The following PRRC2C variants were observed in gnomAD, a reference collection of about 807,000 sequenced individuals.
The protein encoded by PRRC2C is protein PRRC2C.
In PRRC2C, 72 loss-of-function variants were observed where a neutral mutation model predicts 317.2. The observed-to-expected ratio is 0.23, with a 90% CI of 0.19 to 0.28. The LOEUF (loss-of-function observed/expected upper bound fraction) is 0.28. Among genes scored for constraint, PRRC2C ranks in the 10% least tolerant of loss-of-function variants. PRRC2C has a pLI of 1.00. For synonymous variants in PRRC2C, 1,296 were observed against 1,205.9 expected (o/e 1.07, Z -1.55); for missense variants, 3,074 against 3,459.7 (o/e 0.89, Z 2.80).
intron 30 of PRRC2C, among the ~76,000 whole-genome samples, chr1:171,586,352 A>T (rs1260695281): frequency 6.6e-6 from 1 of 150,908 alleles, no homozygotes; most frequent in East Asian, 2.0e-4. Flanking sequence ...TGGCCTCCCA[A>T]AGTGCTGGGA....
chr1:171,531,497 G>GTACT (rs1365871944), intron 11 of PRRC2C, among the ~76,000 whole-genome samples: 1 of 152,168 alleles, frequency 6.6e-6, no homozygotes, highest in Non-Finnish European at 1.5e-5. Context: ...AGATAGTCAA[G>GTACT]TGTTTTCGTT....
At chr1:171,495,094 T>C (rs1443367630) in intron 1 of PRRC2C, among the ~76,000 whole-genome samples, 1 of 152,250 alleles carries the variant, frequency 6.6e-6, no homozygotes, top group Non-Finnish European at 1.5e-5. Flanking sequence ...AATGTTTGTC[T>C]TCATGAAGCC....
intron 34 of PRRC2C, chr1:171,591,172 A>T (rs1651332192): frequency 2.0e-6 from 2 of 991,158 alleles, no homozygotes; most frequent in African/African-American, 3.5e-5. Context: ...TGGGAAGAGG[A>T]CTCAGCCACA....
At chr1:171,504,263 A>G (rs1157646168) in intron 1 of PRRC2C, among the ~76,000 whole-genome samples, 1 of 152,180 alleles carries the variant, frequency 6.6e-6, no homozygotes, top group African/African-American at 2.4e-5. Context: ...TTAGTTCTCA[A>G]CATTATCTTT....
chr1:171,487,898 C>G (rs1666422426), intron 1 of PRRC2C, among the ~76,000 whole-genome samples: 1 of 152,128 alleles, frequency 6.6e-6, no homozygotes, highest in African/African-American at 2.4e-5. Context: ...CCCCTTATCC[C>G]TGATATGTCT....
At chr1:171,517,135 C>T (rs992931704) in intron 5 of PRRC2C, among the ~76,000 whole-genome samples, 4 of 152,150 alleles carry the variant, frequency 2.6e-5, no homozygotes, top group Admixed American at 6.5e-5. Flanking sequence ...TAATTTCACG[C>T]AATCTGTTCA....
At position 171,557,849 on chromosome 1, in the gene PRRC2C, G is replaced by C. The variant is rs1243142290; in HGVS notation, c.5737G>C (p.Ala1913Pro). 16 of 1,539,356 alleles carry C rather than the reference G, an allele frequency of 1.0e-5. No homozygotes were observed. The highest frequency in any genetic ancestry group is 1.4e-5 in the Non-Finnish European group (16 of 1,140,722). ...SVPLAPASAS[A>P]PAPAPTPVSA... ...CCCACTTGCCCCTGCCTCAGCTTCA[G>C]CCCCAGCCCCAGCCCCTACCCCAGT... Residue 1913 changes from alanine (A) to proline (P), a missense_variant, in exon 19 of 35, where the codon GCC becomes CCC. Ala to Pro is a conservative substitution (Grantham distance 27, BLOSUM62 -1). Transcript: ENST00000647382.
At position 171,579,858 on chromosome 1, in the gene PRRC2C, A is replaced by G. The variant is rs778683219; in HGVS notation, c.7303A>G (p.Ile2435Val). The change falls in exon 28 of 35, where the codon ATT (isoleucine) becomes GTT (valine). Residue 2435 changes from isoleucine to valine, a missense_variant. Around this residue, in one of 11 missense-constraint regions of PRRC2C, gnomAD observed 490 missense variants for 663.1 expected, o/e 0.74. Transcript: ENST00000647382. ...TTCAGTTCAGCAGATTCCAATCCCT[A>G]TTTATGCACCACTGCAAGGGCAGCA... Reference protein sequence around the residue: ...PTSVQQIPIPIYAPLQGQHQA... With the variant: ...PTSVQQIPIPVYAPLQGQHQA... The G allele has an allele frequency of 6.3e-7, 1 of 1,585,916 alleles. No homozygotes were observed.
chr1:171,515,925 C>T (rs1672265376), intron 5 of PRRC2C, 66 bp downstream of exon 5: 2 of 1,468,008 alleles, frequency 1.4e-6, no homozygotes, highest in African/African-American at 1.4e-5. Context: ...AATACAACCT[C>T]CTGCTTGCTG....
intron 1 of PRRC2C, among the ~76,000 whole-genome samples, chr1:171,503,683 T>C (rs1669611301): frequency 6.6e-6 from 1 of 152,202 alleles, no homozygotes; most frequent in Non-Finnish European, 1.5e-5. Context: ...TAAATTTGCA[T>C]TTCCCAAATA....
At position 171,485,710 on chromosome 1, in the gene PRRC2C, C is replaced by A. The variant is rs916521259; in HGVS notation, c.-83C>A. 2.6e-5 allele frequency: 4 copies of A among 152,364 alleles called. No individual in the cohort carries two copies. The highest frequency in any genetic ancestry group is 9.6e-5 in the African/African-American group (4 of 41,466). The allele number at this position is 152,364 out of a possible 1,614,324, so 9.4% of individuals were successfully genotyped here. On this transcript the variant is annotated 5_prime_UTR_variant, in exon 1 of 35. Transcript: ENST00000647382. ...GAGATCGGCGGAGACCCTCGAAGTG[C>A]GCAAACTTGACACTCACCCTGACCG...
chr1:171,491,824 T>C (rs1667214499), intron 1 of PRRC2C, among the ~76,000 whole-genome samples: 1 of 152,196 alleles, frequency 6.6e-6, no homozygotes, highest in Non-Finnish European at 1.5e-5. Flanking sequence ...CAATTTAATC[T>C]TACCCAAAAA....
chr1:171,528,867 A>G (rs543796962), intron 11 of PRRC2C, among the ~76,000 whole-genome samples: 76 of 152,144 alleles, frequency 5.0e-4, no homozygotes, highest in African/African-American at 1.7e-3. Flanking sequence ...GCTGGAGTGC[A>G]GTGGTGTAAT....
At chr1:171,542,251 T>C in intron 16 of PRRC2C, 22 bp downstream of exon 16, 1 of 1,473,062 alleles carries the variant, frequency 6.8e-7, no homozygotes, top group Non-Finnish European at 9.0e-7. Context: ...GTTTTAAATA[T>C]AGTTGCTTTT....
intron 18 of PRRC2C, among the ~76,000 whole-genome samples, chr1:171,551,550 G>C (rs557667437): frequency 1.3e-5 from 2 of 152,296 alleles, no homozygotes; most frequent in East Asian, 3.9e-4. Flanking sequence ...CCTATATCCT[G>C]AATGGTATGG....
At chr1:171,534,358 A>T (rs560790994) in intron 12 of PRRC2C, among the ~76,000 whole-genome samples, 1 of 152,328 alleles carries the variant, frequency 6.6e-6, no homozygotes, top group South Asian at 2.1e-4. Context: ...AAACATTATC[A>T]TAGTTTAATA....
intron 23 of PRRC2C, among the ~76,000 whole-genome samples, chr1:171,570,669 G>C (rs1459694036): frequency 6.6e-6 from 1 of 152,138 alleles, no homozygotes; most frequent in Non-Finnish European, 1.5e-5. Context: ...AACAATATTT[G>C]CCATAATTAT....
In PRRC2C at chr1:171,566,255, G is replaced by A; in HGVS notation, c.6140G>A (p.Ser2047Asn). The A allele has an allele frequency of 1.9e-6, 3 of 1,611,040 alleles. No homozygotes were observed. Among genetic ancestry groups the A allele is most frequent in the Non-Finnish European group, 2.5e-6 (3 of 1,178,658 alleles). ...SSEGAKNGQE[S>N]GLEIGTDTIQ... is the part of the protein sequence containing the mutation. ...TAGGGAGCGAAGAATGGTCAAGAAA[G>A]TGGACTCGAAATTGGAACTGACACA... is the stretch of plus-strand genomic sequence containing the variant. Residue 2047 changes from serine to asparagine, a missense_variant, in exon 21 of 35, where the codon AGT becomes AAT. Coordinates refer to ENST00000647382, the MANE Select transcript of PRRC2C (RefSeq NM_001387844.1).
At chr1:171,547,621 C>G (rs1415707647) in intron 17 of PRRC2C, among the ~76,000 whole-genome samples, 1 of 143,806 alleles carries the variant, frequency 7.0e-6, no homozygotes, top group African/African-American at 2.5e-5. Flanking sequence ...CTTTTGAAAT[C>G]AAGTTTCCCT....
Sources: allele counts gnomAD v4.1 joint callset (sites outside exome capture counted in the v4.1 genomes callset), GRCh38; gene constraint gnomAD v4.1.1; regional missense constraint gnomAD v4.1.1; transcripts MANE v1.5; gene names NCBI Gene and HGNC (gene_info 2026-07-23, HGNC 2026-07-21).